RNF13: variants seen among roughly 807,000 people sequenced by gnomAD.
RNF13 encodes the protein ring finger protein 13.
A neutral mutation model predicts 37.7 loss-of-function variants in RNF13; 19 were observed. That is an observed-to-expected ratio of 0.50 (90% CI 0.35 to 0.74). RNF13 has a LOEUF of 0.74. Among genes scored for constraint, RNF13 ranks in the 30% least tolerant of loss-of-function variants. The pLI is 0.01. For missense variants in RNF13, 375 were observed against 453.0 expected (o/e 0.83, Z 1.56); for synonymous variants, 144 against 157.8 (o/e 0.91, Z 0.65).
intron 3 of RNF13, among the ~76,000 whole-genome samples, chr3:149,865,948 A>C (rs1420059165): frequency 2.6e-5 from 4 of 152,080 alleles, no homozygotes; most frequent in Non-Finnish European, 4.4e-5. Context: ...AAAAATGGCT[A>C]CCCCGTAGAC....
intron 1 of RNF13, among the ~76,000 whole-genome samples, chr3:149,830,155 TG>T (rs1720903955): frequency 1.0e-5 from 1 of 97,134 alleles, no homozygotes; most frequent in South Asian, 4.2e-4. Flanking sequence ...ACCAGTGGAG[TG>T]GGTACTGCTA....
intron 4 of RNF13, among the ~76,000 whole-genome samples, chr3:149,889,550 G>A (rs1714460817): frequency 6.6e-6 from 1 of 150,466 alleles, no homozygotes; most frequent in South Asian, 2.1e-4. Context: ...TGATCTGCCC[G>A]ACTCAGCCTC....
At chr3:149,851,899 A>C (rs1723156528) in intron 2 of RNF13, among the ~76,000 whole-genome samples, 1 of 152,182 alleles carries the variant, frequency 6.6e-6, no homozygotes, top group Non-Finnish European at 1.5e-5. Flanking sequence ...TTGGTAAAGG[A>C]CTAATAAATA....
intron 6 of RNF13, 99 bp from the exon 7 acceptor site, chr3:149,911,879 C>CTA (rs1200394380): frequency 1.4e-6 from 1 of 704,936 alleles, no homozygotes; most frequent in African/African-American, 1.8e-5. Flanking sequence ...ATTGTAATGT[C>CTA]TATATGTCTG....
At position 149,893,060 on chromosome 3, in the gene RNF13, G is replaced by A. The variant is rs78494948; in HGVS notation, c.322-2413G>A. Among the ~76,000 whole-genome samples, 251 of 152,244 alleles carry A rather than the reference G, an allele frequency of 1.6e-3. 7 individuals are homozygous for A. In the East Asian group the frequency reaches 0.035, roughly 21 times the overall value. ...GTCAAGAAAGCAACTGACCTGTTTG[G>A]CTACCCATGAGTACTGAAATTTCCT... On this transcript the variant is annotated intron_variant, in intron 4 of 9. Coordinates refer to ENST00000392894, the MANE Select transcript of RNF13 (RefSeq NM_183381.3).
chr3:149,814,814 T>TA (rs1403343096), intron 1 of RNF13, among the ~76,000 whole-genome samples: 11 of 152,232 alleles, frequency 7.2e-5, no homozygotes, highest in African/African-American at 2.7e-4. Flanking sequence ...AATGAGTTGT[T>TA]ATGAGGATTA....
chr3:149,924,670 A>C (rs1043055891), intron 8 of RNF13, among the ~76,000 whole-genome samples: 5 of 152,152 alleles, frequency 3.3e-5, no homozygotes, highest in Non-Finnish European at 4.4e-5. Flanking sequence ...TCAGGCCAAA[A>C]ATCTGATTGT....
At chr3:149,905,965 A>G (rs1716345358) in intron 6 of RNF13, among the ~76,000 whole-genome samples, 2 of 152,216 alleles carry the variant, frequency 1.3e-5, no homozygotes, top group Admixed American at 1.3e-4. Flanking sequence ...AACCCCGTAC[A>G]CATTTGCAGT....
At chr3:149,828,757 G>A (rs926650667) in intron 1 of RNF13, among the ~76,000 whole-genome samples, 9 of 151,790 alleles carry the variant, frequency 5.9e-5, no homozygotes, top group Admixed American at 3.3e-4. Context: ...GACTTGGTAC[G>A]CCACTTACCA....
At chr3:149,821,159 T>G (rs1357081135) in intron 1 of RNF13, among the ~76,000 whole-genome samples, 1 of 152,160 alleles carries the variant, frequency 6.6e-6, no homozygotes, top group Non-Finnish European at 1.5e-5. Context: ...TGAGAACCTG[T>G]TTTCACTTTT....
At chr3:149,878,596 A>G (rs1374360943) in intron 4 of RNF13, among the ~76,000 whole-genome samples, 1 of 152,222 alleles carries the variant, frequency 6.6e-6, no homozygotes, top group African/African-American at 2.4e-5. Flanking sequence ...AATGATTTAC[A>G]TTCACAATCT....
intron 8 of RNF13, among the ~76,000 whole-genome samples, chr3:149,922,980 AG>A (rs1309860738): frequency 6.6e-6 from 1 of 152,200 alleles, no homozygotes; most frequent in Non-Finnish European, 1.5e-5. Context: ...GCAGTGAAAA[AG>A]TGTAGGGAGT....
chr3:149,852,327 A>G (rs968365115), intron 2 of RNF13, among the ~76,000 whole-genome samples, 189 bp from the exon 3 acceptor site: 2 of 152,146 alleles, frequency 1.3e-5, no homozygotes, highest in Non-Finnish European at 2.9e-5. Flanking sequence ...AAGCAGTTGT[A>G]TATGTTGTAA....
chr3:149,902,662 C>A (rs916921990), intron 6 of RNF13, among the ~76,000 whole-genome samples: 5 of 152,098 alleles, frequency 3.3e-5, no homozygotes, highest in Admixed American at 6.5e-5. Flanking sequence ...ACAAAATAAT[C>A]TCATTACAAA....
intron 3 of RNF13, among the ~76,000 whole-genome samples, chr3:149,856,240 C>T (rs549782586): frequency 6.6e-6 from 1 of 151,890 alleles, no homozygotes; most frequent in Non-Finnish European, 1.5e-5. Flanking sequence ...TTTATAGTTG[C>T]GTGACTGGTT....
chr3:149,859,066 C>G (rs1367922988), intron 3 of RNF13, among the ~76,000 whole-genome samples: 1 of 152,120 alleles, frequency 6.6e-6, no homozygotes, highest in African/African-American at 2.4e-5. Context: ...TGTATTTTTC[C>G]TCTCAGAACA....
At chr3:149,865,143 G>A (rs2108426005) in intron 3 of RNF13, among the ~76,000 whole-genome samples, 1 of 151,744 alleles carries the variant, frequency 6.6e-6, no homozygotes, top group East Asian at 1.9e-4. Context: ...GGCATTTGGA[G>A]TATATTTCTC....
At chr3:149,945,387 C>T (rs936416228) in intron 8 of RNF13, among the ~76,000 whole-genome samples, 1 of 152,156 alleles carries the variant, frequency 6.6e-6, no homozygotes, top group Non-Finnish European at 1.5e-5. Flanking sequence ...CCCGCCATTG[C>T]TGAGGCTTGT....
intron 1 of RNF13, among the ~76,000 whole-genome samples, chr3:149,839,706 G>T (rs990134450): frequency 7.2e-5 from 11 of 152,074 alleles, no homozygotes; most frequent in African/African-American, 2.4e-4. Context: ...GATGTGGTTT[G>T]GTTGGGGATG....
Sources: allele counts gnomAD v4.1 joint callset (sites outside exome capture counted in the v4.1 genomes callset), GRCh38; gene constraint gnomAD v4.1.1; transcripts MANE v1.5; gene names NCBI Gene and HGNC (gene_info 2026-07-23, HGNC 2026-07-21).